Variants in KCTD16 observed in about 807,000 individuals in gnomAD.
KCTD16 encodes BTB/POZ domain-containing protein KCTD16.
In KCTD16, 13 loss-of-function variants were observed where a neutral mutation model predicts 33.2. The ratio of observed to expected loss-of-function variants is 0.39; its 90% CI spans 0.25 to 0.62. KCTD16 has a LOEUF of 0.62. Among genes scored for constraint, KCTD16 ranks in the 20% least tolerant of loss-of-function variants. KCTD16 has a pLI of 0.50. For synonymous variants in KCTD16, 197 were observed against 195.3 expected, an observed-to-expected ratio of 1.01 and a Z score of -0.07; for missense variants, 441 against 525.1, an observed-to-expected ratio of 0.84 and a Z score of 1.57.
At chr5:144,195,966 GAC>G (rs1488257861) in intron 2 of KCTD16, among the ~76,000 whole-genome samples, 1 of 152,176 alleles carries the variant, frequency 6.6e-6, no homozygotes, top group African/African-American at 2.4e-5. Context: ...CTCCAAGTCA[GAC>G]ACAGAGTGTT....
rs770838664 is a variant in KCTD16 at position 144,479,888 on chromosome 5, G to T, written c.*5774G>T. ...AGGGCTTGTCCTGGAGGAGGGTGGG[G>T]GTAATCTTCCTGTTAATCAGCTTTG... On this transcript the variant is annotated 3_prime_UTR_variant, in exon 4 of 4. Coordinates refer to ENST00000512467, the MANE Select transcript of KCTD16 (RefSeq NM_020768.4). 6 of 151,816 alleles carry T rather than the reference G, an allele frequency of 4.0e-5. No individual in the cohort carries two copies. The highest frequency in any genetic ancestry group is 1.5e-4 in the African/African-American group (6 of 41,360). 9.4% of individuals were successfully genotyped at this position (151,816 alleles called of 1,614,324 possible).
intron 3 of KCTD16, among the ~76,000 whole-genome samples, chr5:144,327,688 C>T (rs1166726318): frequency 1.3e-5 from 2 of 152,080 alleles, no homozygotes. Flanking sequence ...CACAAAAAAT[C>T]ATATTTTTGG....
At chr5:144,248,696 G>A (rs1010355653) in intron 3 of KCTD16, among the ~76,000 whole-genome samples, 1 of 152,178 alleles carries the variant, frequency 6.6e-6, no homozygotes, top group African/African-American at 2.4e-5. Flanking sequence ...AAGAAGGTGA[G>A]AAACAGCCTC....
chr5:144,184,103 T>G (rs1351877896), intron 2 of KCTD16, among the ~76,000 whole-genome samples: 3 of 152,252 alleles, frequency 2.0e-5, no homozygotes, highest in Non-Finnish European at 4.4e-5. Flanking sequence ...ATTATTAACT[T>G]GGTAAAATAC....
chr5:144,381,381 G>A (rs1233982168), intron 3 of KCTD16, among the ~76,000 whole-genome samples: 1 of 152,192 alleles, frequency 6.6e-6, no homozygotes, highest in Non-Finnish European at 1.5e-5. Context: ...GCAGAAAGCA[G>A]TGTATTAGGC....
At chr5:144,264,294 C>T (rs749190729) in intron 3 of KCTD16, among the ~76,000 whole-genome samples, 32 of 152,176 alleles carry the variant, frequency 2.1e-4, no homozygotes, top group Non-Finnish European at 3.7e-4. Flanking sequence ...ATTTAAATCA[C>T]ACAGTATTAT....
chr5:144,347,910 A>G (rs958210022), intron 3 of KCTD16, among the ~76,000 whole-genome samples: 6 of 152,162 alleles, frequency 3.9e-5, no homozygotes, highest in Non-Finnish European at 8.8e-5. Flanking sequence ...TTCTCTGCAC[A>G]GCAGCTGGTG....
chr5:144,242,887 G>A (rs1754443747), intron 3 of KCTD16, among the ~76,000 whole-genome samples: 1 of 152,132 alleles, frequency 6.6e-6, no homozygotes, highest in Non-Finnish European at 1.5e-5. Context: ...CTCCCATTGG[G>A]CCCATCTCTA....
At chr5:144,434,985 G>A (rs1208283569) in intron 3 of KCTD16, among the ~76,000 whole-genome samples, 1 of 152,194 alleles carries the variant, frequency 6.6e-6, no homozygotes, top group African/African-American at 2.4e-5. Flanking sequence ...AGGCGCATGA[G>A]GAAGGGAGCT....
chr5:144,398,745 C>G (rs568711083), intron 3 of KCTD16, among the ~76,000 whole-genome samples: 1 of 150,964 alleles, frequency 6.6e-6, no homozygotes, highest in Non-Finnish European at 1.5e-5. Context: ...TATAAATGTA[C>G]CCCAAAGGAA....
intron 3 of KCTD16, among the ~76,000 whole-genome samples, chr5:144,347,292 T>C (rs1267860578): frequency 1.3e-5 from 2 of 152,228 alleles, no homozygotes; most frequent in East Asian, 3.9e-4. Context: ...AGGCAGACTT[T>C]AAAGAAGTAA....
rs534698827 is a variant in KCTD16 at position 144,430,093 on chromosome 5, A to G, written c.833-43567A>G. Reference sequence around the variant, plus strand: ...TGTGCAAGCTAGCTGAATCTATATGATATCTTCAGGGGCATCGTACCTGTG... The same window carrying G: ...TGTGCAAGCTAGCTGAATCTATATGGTATCTTCAGGGGCATCGTACCTGTG... On this transcript the variant is annotated intron_variant, in intron 3 of 3. Coordinates refer to ENST00000512467, the MANE Select transcript of KCTD16 (RefSeq NM_020768.4). 5.3e-5 allele frequency among the ~76,000 whole-genome samples: 8 copies of G among 152,164 alleles called. No homozygotes were observed. The South Asian group carries it at 1.5e-3, about 28-fold the overall frequency.
chr5:144,413,114 C>T (rs1200533038), intron 3 of KCTD16, among the ~76,000 whole-genome samples: 1 of 152,102 alleles, frequency 6.6e-6, no homozygotes, highest in Admixed American at 6.5e-5. Context: ...AAAATGTGGA[C>T]ATCTATTAGG....
chr5:144,185,516 G>A (rs1752707799), intron 2 of KCTD16, among the ~76,000 whole-genome samples: 1 of 152,018 alleles, frequency 6.6e-6, no homozygotes, highest in Admixed American at 6.6e-5. Context: ...CATGTCCATT[G>A]CTGTAATAAA....
intron 3 of KCTD16, among the ~76,000 whole-genome samples, chr5:144,446,331 G>T (rs1241617316): frequency 3.3e-5 from 5 of 152,056 alleles, no homozygotes; most frequent in Non-Finnish European, 7.4e-5. Context: ...AATAAATGGT[G>T]TTGGGAAAAC....
intron 2 of KCTD16, among the ~76,000 whole-genome samples, chr5:144,180,823 A>G (rs577678455): frequency 6.6e-6 from 1 of 152,312 alleles, no homozygotes; most frequent in African/African-American, 2.4e-5. Flanking sequence ...CCATTTCTAC[A>G]TCATCCTTGG....
rs1315798009 is a variant in KCTD16, at chr5:144,480,254, G to C, written c.*6140G>C. ...ATCCGAGTGCATGGAAAAAGCCTTT[G>C]GTTACATAGTTTAACAGCTTTTTAG... On this transcript the variant is annotated 3_prime_UTR_variant, in exon 4 of 4. Coordinates refer to ENST00000512467, the MANE Select transcript of KCTD16 (RefSeq NM_020768.4). 1.3e-5 allele frequency: 2 copies of C among 151,816 alleles called. No homozygotes were observed. Among genetic ancestry groups the C allele is most frequent in the Non-Finnish European group, 2.9e-5 (2 of 67,892 alleles). The allele number at this position is 151,816 out of a possible 1,614,324, so 9.4% of individuals were successfully genotyped here.
chr5:144,459,967 G>A (rs1466390183), intron 3 of KCTD16, among the ~76,000 whole-genome samples: 2 of 151,348 alleles, frequency 1.3e-5, no homozygotes, highest in Non-Finnish European at 2.9e-5. Flanking sequence ...GAGTTAACTG[G>A]GACTACAGGC....
At chr5:144,423,939 A>G (rs1181273838) in intron 3 of KCTD16, among the ~76,000 whole-genome samples, 1 of 152,114 alleles carries the variant, frequency 6.6e-6, no homozygotes, top group Non-Finnish European at 1.5e-5. Context: ...TGATGAGCTG[A>G]AAAAAAAGAT....
Sources: allele counts gnomAD v4.1 joint callset (sites outside exome capture counted in the v4.1 genomes callset), GRCh38; gene constraint gnomAD v4.1.1; transcripts MANE v1.5; gene names NCBI Gene and HGNC (gene_info 2026-07-23, HGNC 2026-07-21).